C7orf78: variants seen among roughly 807,000 people sequenced by gnomAD.
C7orf78 encodes chromosome 7 open reading frame 78.
chr7:12,525,049 G>GGAGCGTACAAA, the C7orf78 span, among the ~76,000 whole-genome samples: 1 of 151,244 alleles, frequency 6.6e-6, no homozygotes, highest in Admixed American at 6.6e-5. Context: ...TTGGTCTCAT[G>GGAGCGTACAAA]TTGTATTCAA....
At chr7:12,496,524 T>A in the C7orf78 span, 2 of 152,200 alleles carry the variant, frequency 1.3e-5, no homozygotes, top group African/African-American at 4.8e-5. Flanking sequence ...CTCTAAGAAA[T>A]CTTTGGAGAC....
the C7orf78 span, among the ~76,000 whole-genome samples, chr7:12,518,245 A>G: frequency 6.6e-6 from 1 of 152,162 alleles, no homozygotes; most frequent in Non-Finnish European, 1.5e-5. Flanking sequence ...TTCAGGCCCA[A>G]GTGGTTGCAG....
chr7:12,537,913 T>C, the C7orf78 span, among the ~76,000 whole-genome samples: 14,626 of 152,192 alleles, frequency 0.096, 1,253 homozygotes, highest in African/African-American at 0.23. Flanking sequence ...AATGTATATA[T>C]ATATACACAT....
the C7orf78 span, chr7:12,541,141 G>A: frequency 6.6e-6 from 1 of 152,130 alleles, no homozygotes; most frequent in African/African-American, 2.4e-5. Flanking sequence ...CAATCATAAG[G>A]CTTTTGATTT....
the C7orf78 span, among the ~76,000 whole-genome samples, chr7:12,512,265 C>T: frequency 2.6e-5 from 4 of 152,218 alleles, no homozygotes; most frequent in South Asian, 8.3e-4. Flanking sequence ...TGCCTTGTTA[C>T]ACTTCTTAGA....
the C7orf78 span, among the ~76,000 whole-genome samples, chr7:12,531,967 C>T: frequency 0.022 from 3,408 of 152,162 alleles, 52 homozygotes; most frequent in Middle Eastern, 0.051. Flanking sequence ...CAGATTGATT[C>T]GATTAGATAT....
chr7:12,493,415 G>A, the C7orf78 span, among the ~76,000 whole-genome samples: 11 of 152,122 alleles, frequency 7.2e-5, no homozygotes, highest in Admixed American at 6.5e-4. Context: ...CTGAGGGAGA[G>A]GTTCTCAAAG....
the C7orf78 span, among the ~76,000 whole-genome samples, chr7:12,538,139 T>C: frequency 6.6e-6 from 1 of 152,196 alleles, no homozygotes; most frequent in Non-Finnish European, 1.5e-5. Flanking sequence ...ATCTATGCAC[T>C]ATTATACGTA....
the C7orf78 span, among the ~76,000 whole-genome samples, chr7:12,533,599 C>G: frequency 6.7e-6 from 1 of 149,292 alleles, no homozygotes; most frequent in African/African-American, 2.5e-5. Flanking sequence ...TCACTGCAAG[C>G]TCCACCTCCC....
the C7orf78 span, among the ~76,000 whole-genome samples, chr7:12,514,870 A>G: frequency 2.0e-5 from 3 of 152,260 alleles, no homozygotes; most frequent in African/African-American, 7.2e-5. Flanking sequence ...TTTATCCTGT[A>G]TGAAGGATAA....
chr7:12,487,185 T>C, the C7orf78 span: 2 of 152,050 alleles, frequency 1.3e-5, no homozygotes, highest in Non-Finnish European at 2.9e-5. Flanking sequence ...GGGGAATAAT[T>C]TTGGCAGCTT....
the C7orf78 span, among the ~76,000 whole-genome samples, chr7:12,518,706 G>A: frequency 6.6e-6 from 1 of 152,138 alleles, no homozygotes; most frequent in African/African-American, 2.4e-5. Flanking sequence ...GCCAATTTGG[G>A]AGTGTCTGTC....
chr7:12,516,985 CT>C, the C7orf78 span, among the ~76,000 whole-genome samples: 1 of 152,066 alleles, frequency 6.6e-6, no homozygotes, highest in African/African-American at 2.4e-5. Flanking sequence ...TGAGTTAAGA[CT>C]TTGGGAGATT....
At chr7:12,500,346 GAAAA>G in the C7orf78 span, among the ~76,000 whole-genome samples, 2 of 150,732 alleles carry the variant, frequency 1.3e-5, no homozygotes, top group African/African-American at 2.4e-5. Flanking sequence ...GACTAGTAAA[GAAAA>G]AAAGAGAGAA....
chr7:12,532,419 G>A, the C7orf78 span, among the ~76,000 whole-genome samples: 4 of 151,854 alleles, frequency 2.6e-5, no homozygotes. Flanking sequence ...TGTAATGGTG[G>A]GCGCCTGTAA....
the C7orf78 span, among the ~76,000 whole-genome samples, chr7:12,499,369 A>C: frequency 1.3e-5 from 2 of 152,108 alleles, no homozygotes; most frequent in Non-Finnish European, 2.9e-5. Context: ...GGCTCAAAAT[A>C]AAAGGATGGA....
At chr7:12,495,483 C>G in the C7orf78 span, among the ~76,000 whole-genome samples, 6 of 152,122 alleles carry the variant, frequency 3.9e-5, no homozygotes, top group Non-Finnish European at 8.8e-5. Flanking sequence ...TGTTATTTTA[C>G]TATCCTCTCA....
At chr7:12,510,561 T>C in the C7orf78 span, among the ~76,000 whole-genome samples, 1 of 152,178 alleles carries the variant, frequency 6.6e-6, no homozygotes, top group African/African-American at 2.4e-5. Flanking sequence ...TTTTCTATAC[T>C]CTTGCCAGCA....
chr7:12,503,157 A>G, the C7orf78 span, among the ~76,000 whole-genome samples: 5 of 136,320 alleles, frequency 3.7e-5, no homozygotes, highest in Admixed American at 6.9e-5. Context: ...TGGGTGCAGC[A>G]CACCAGCATG....
Sources: gnomAD v4.1 joint callset for allele counts (sites outside exome capture counted in the v4.1 genomes callset) on GRCh38, gnomAD v4.1.1 for gene constraint, MANE v1.5 for transcripts, NCBI Gene and HGNC (gene_info 2026-07-23, HGNC 2026-07-21) for gene names.